Variants in STK10 observed in about 807,000 individuals in gnomAD.
STK10 encodes serine/threonine-protein kinase 10.
Under a neutral mutation model 113.8 loss-of-function variants are expected in STK10, and 78 were observed. The ratio of observed to expected loss-of-function variants is 0.69; its 90% CI spans 0.57 to 0.83. The LOEUF is 0.83. Ranked by LOEUF, STK10 falls within the 40% of genes least tolerant of loss-of-function variation. The probability of loss-of-function intolerance (pLI) is 0.00; values close to 1 mark genes in which losing one functional copy is unlikely to be tolerated. For synonymous variants in STK10, 465 were observed against 494.7 expected, an observed-to-expected ratio of 0.94 and a Z score of 0.80; for missense variants, 1,109 against 1,280.1, an observed-to-expected ratio of 0.87 and a Z score of 2.04.
chr5:172,081,294 T>C (rs143915960), intron 12 of STK10, among the ~76,000 whole-genome samples: 5,580 of 143,830 alleles, frequency 0.039, 361 homozygotes, highest in African/African-American at 0.14. Context: ...GAGGTTGCAG[T>C]GAGCCGAGAT....
intron 3 of STK10, among the ~76,000 whole-genome samples, chr5:172,125,243 G>T (rs1769594912): frequency 6.6e-6 from 1 of 152,198 alleles, no homozygotes; most frequent in Admixed American, 6.6e-5. Context: ...CTCGTCAACA[G>T]GCTTTGGTTG....
At chr5:172,108,442 C>T (rs1330215845) in intron 4 of STK10, among the ~76,000 whole-genome samples, 1 of 151,992 alleles carries the variant, frequency 6.6e-6, no homozygotes, top group Non-Finnish European at 1.5e-5. Flanking sequence ...GTGGCAAAAC[C>T]CAGTCTCTAC....
chr5:172,061,193 C>T lies in STK10; in HGVS notation c.2158G>A (p.Glu720Lys), dbSNP rs754257512. 1.9e-6 allele frequency: 3 copies of T among 1,613,488 alleles called. No homozygotes were observed. The highest frequency in any genetic ancestry group is 2.5e-6 in the Non-Finnish European group (3 of 1,179,928). ...MKRLTTDNRR[E>K]ICDKERECLM... Reference sequence around the variant, plus strand: ...CACTCGCGCTCCTTGTCACAGATCTCCCGCCTGTTGTCGGTGGTGAGCCTC... The same window carrying T: ...CACTCGCGCTCCTTGTCACAGATCTTCCGCCTGTTGTCGGTGGTGAGCCTC... Residue 720 changes from glutamate to lysine, a missense_variant, in exon 14 of 19, where the codon GAG becomes AAG. Transcript: ENST00000176763.
intron 2 of STK10, among the ~76,000 whole-genome samples, chr5:172,145,449 G>T (rs1770066005): frequency 6.6e-6 from 1 of 152,050 alleles, no homozygotes; most frequent in African/African-American, 2.4e-5. Context: ...GGCGGCGGGG[G>T]TGGGGCAGTG....
intron 1 of STK10, among the ~76,000 whole-genome samples, chr5:172,170,136 T>TTTC (rs1220068358): frequency 6.6e-6 from 1 of 151,210 alleles, no homozygotes; most frequent in Non-Finnish European, 1.5e-5. Context: ...TTTTTTTTTT[T>TTTC]TTCAGTATGT....
chr5:172,045,489 C>T (rs1024491812), intron 18 of STK10: 50 of 445,418 alleles, frequency 1.1e-4, no homozygotes, highest in African/African-American at 8.8e-4. Flanking sequence ...ATCTCAAAAA[C>T]AAAAACAAAA....
chr5:172,176,765 T>C (rs6556001), intron 1 of STK10, among the ~76,000 whole-genome samples: 60,562 of 152,058 alleles, frequency 0.4, 12,368 homozygotes, highest in African/African-American at 0.49. Context: ...ATGGTCCGAG[T>C]GTCTGTGTCC....
chr5:172,050,072 G>A (rs1252368953), intron 18 of STK10, among the ~76,000 whole-genome samples: 1 of 152,152 alleles, frequency 6.6e-6, no homozygotes, highest in Admixed American at 6.5e-5. Context: ...CAAAGTGCTG[G>A]GATTACAGGT....
At position 172,120,695 on chromosome 5, in the gene STK10, C is replaced by A. The variant is rs369417811; in HGVS notation, c.371-3065G>T. Among the ~76,000 whole-genome samples the A allele has an allele frequency of 2.3e-4, 35 of 152,270 alleles. No homozygotes were observed. The East Asian group carries it at 3.5e-3, about 15-fold the overall frequency. On this transcript the variant is annotated intron_variant, in intron 3 of 18. Transcript: ENST00000176763. This position sits in a 1 kb window ranked among gnomAD's most constrained non-coding sequence, Gnocchi z 4.0. Reference sequence around the variant, plus strand: ...CCAGCCATCAGCCATGTTCAGTTCTCAGTGTGGAAAATAGGCAATAAAGGG... The same window carrying A: ...CCAGCCATCAGCCATGTTCAGTTCTAAGTGTGGAAAATAGGCAATAAAGGG...
intron 2 of STK10, among the ~76,000 whole-genome samples, chr5:172,127,983 G>A (rs1394986264): frequency 1.3e-5 from 2 of 152,226 alleles, no homozygotes; most frequent in African/African-American, 4.8e-5. Flanking sequence ...CACAGAGATT[G>A]TTCCTGGACT....
intron 1 of STK10, among the ~76,000 whole-genome samples, chr5:172,186,872 G>C (rs1214292596): frequency 6.6e-6 from 1 of 152,104 alleles, no homozygotes; most frequent in Non-Finnish European, 1.5e-5. Context: ...AGAAGGCCTG[G>C]AGAAGCCTTC....
At chr5:172,066,425 G>A (rs1768070621) in intron 12 of STK10, among the ~76,000 whole-genome samples, 1 of 152,106 alleles carries the variant, frequency 6.6e-6, no homozygotes, top group South Asian at 2.1e-4. Flanking sequence ...GAAACCTTGT[G>A]TTTCTGGCCA....
At chr5:172,084,189 G>A (rs1236803790) in intron 10 of STK10, among the ~76,000 whole-genome samples, 2 of 151,744 alleles carry the variant, frequency 1.3e-5, no homozygotes, top group African/African-American at 2.4e-5. Context: ...ATCACCTGAG[G>A]TCGGGGGTTC....
chr5:172,106,838 A>G (rs757568903), intron 5 of STK10, 24 bp from the exon 6 acceptor site: 2 of 1,601,672 alleles, frequency 1.2e-6, no homozygotes, highest in Non-Finnish European at 8.5e-7. Context: ...GGGACAACAT[A>G]GGGCTAAGAA....
In STK10 at chr5:172,082,427, C is replaced by G; in HGVS notation, c.1888G>C (p.Asp630His). 1 of 1,612,232 alleles carries G rather than the reference C, an allele frequency of 6.2e-7. No homozygotes were observed. Among genetic ancestry groups the G allele is most frequent in the Non-Finnish European group, 8.5e-7 (1 of 1,179,172 alleles). ...QKQQVEKMEQDHAVRRREEAR... is the reference protein window; with the variant it reads ...QKQQVEKMEQHHAVRRREEAR... The stretch of plus-strand genomic sequence containing the variant: ...TCCTCCCGGCGGCGCACGGCATGGT[C>G]TTGCTCCATCTTCTCCACTTGCTGC... Residue 630 changes from aspartate (D) to histidine (H), a missense_variant, in exon 12 of 19, where the codon GAC (aspartate) becomes CAC (histidine). Asp to His is a moderately conservative substitution (Grantham distance 81). Coordinates refer to ENST00000176763, the MANE Select transcript of STK10 (RefSeq NM_005990.4). The surrounding 1 kb of genome is among the most constrained non-coding windows in gnomAD (Gnocchi z 4.3).
intron 10 of STK10, among the ~76,000 whole-genome samples, chr5:172,087,677 G>A (rs1252368758): frequency 2.0e-5 from 2 of 97,688 alleles, no homozygotes; most frequent in Admixed American, 9.0e-5. Flanking sequence ...GCCGGACTGC[G>A]GACTGCAGTG....
At chr5:172,138,286 T>C (rs543680418) in intron 2 of STK10, among the ~76,000 whole-genome samples, 1 of 152,242 alleles carries the variant, frequency 6.6e-6, no homozygotes, top group African/African-American at 2.4e-5. Context: ...CACGCCTGGC[T>C]AATTTTTTTG....
At chr5:172,100,357 C>A (rs1250103751) in intron 7 of STK10, among the ~76,000 whole-genome samples, 1 of 152,164 alleles carries the variant, frequency 6.6e-6, no homozygotes, top group Non-Finnish European at 1.5e-5. Context: ...AAAAAGGCAA[C>A]CGGCAGCTGC....
At chr5:172,101,014 C>T (rs140201207) in intron 7 of STK10, among the ~76,000 whole-genome samples, 39 of 152,278 alleles carry the variant, frequency 2.6e-4, no homozygotes, top group African/African-American at 8.9e-4. Context: ...GTGCCAGCTA[C>T]TTCACTGCTG....
Sources: gnomAD v4.1 joint callset for allele counts (sites outside exome capture counted in the v4.1 genomes callset) on GRCh38, gnomAD v4.1.1 for gene constraint, Gnocchi (gnomAD v3.1) non-coding constraint, MANE v1.5 for transcripts, NCBI Gene and HGNC (gene_info 2026-07-23, HGNC 2026-07-21) for gene names.